The following STK32B variants were observed in gnomAD, a reference collection of about 807,000 sequenced individuals.
STK32B encodes the protein serine/threonine-protein kinase 32B.
A neutral mutation model predicts 52.6 loss-of-function variants in STK32B; 43 were observed. The ratio of observed to expected loss-of-function variants is 0.82; its 90% confidence interval spans 0.64 to 1.05. STK32B has a LOEUF of 1.05. Ranked by LOEUF, STK32B falls within the 50% of genes least tolerant of loss-of-function variation. The probability of loss-of-function intolerance (pLI) is 0.00; values close to 1 mark genes in which losing one functional copy is unlikely to be tolerated. For missense variants in STK32B, 621 were observed against 534.6 expected (o/e 1.16, Z -1.59); for synonymous variants, 238 against 204.3 (o/e 1.17, Z -1.41).
chr4:5,192,882 AGCCCCTGGCACCCTCC>A (rs964442227), intron 3 of STK32B, among the ~76,000 whole-genome samples: 1 of 152,104 alleles, frequency 6.6e-6, no homozygotes, highest in African/African-American at 2.4e-5. Context: ...CCCTCCACCC[AGCCCCTGGCACCCTCC>A]GTTCCACTCT....
chr4:5,456,802 T>C lies in STK32B; in HGVS notation c.667-5T>C. 3 of 1,563,850 alleles carry C rather than the reference T, an allele frequency of 1.9e-6. No individual in the cohort carries two copies. The highest frequency in any genetic ancestry group is 2.6e-6 in the Non-Finnish European group (3 of 1,149,690). ...CTGATTCTGGCTGTTGTTCTTTGAT[T>C]GCAGAGGCCGTACGAAATCCACTCG... On this transcript the variant is annotated splice_region_variant and splice_polypyrimidine_tract_variant and intron_variant, in intron 7 of 11. Transcript: ENST00000282908.
chr4:5,366,882 C>T (rs1273946627), intron 4 of STK32B, among the ~76,000 whole-genome samples: 1 of 152,154 alleles, frequency 6.6e-6, no homozygotes, highest in East Asian at 1.9e-4. Flanking sequence ...TGTGTACCTT[C>T]TCATATAGTC....
At chr4:5,402,350 G>C (rs1737350488) in intron 5 of STK32B, among the ~76,000 whole-genome samples, 1 of 152,244 alleles carries the variant, frequency 6.6e-6, no homozygotes, top group Non-Finnish European at 1.5e-5. Context: ...CTTTCCACAT[G>C]GGAGGTGGAC....
chr4:5,388,568 A>G (rs926154150), intron 4 of STK32B, among the ~76,000 whole-genome samples: 1 of 152,156 alleles, frequency 6.6e-6, no homozygotes, highest in South Asian at 2.1e-4. Context: ...ATTGTTTTCC[A>G]TATGCTACTA....
In STK32B at chr4:5,253,136, G is replaced by C. The variant is rs145762140; in HGVS notation, c.261-78084G>C. Among the ~76,000 whole-genome samples, 24 of 152,106 alleles carry C rather than the reference G, an allele frequency of 1.6e-4. No individual in the cohort carries two copies. The South Asian group carries it at 2.1e-3, about 13-fold the overall frequency. On this transcript the variant is annotated intron_variant, in intron 3 of 11. Transcript: ENST00000282908. ...CCAATGCTGTCTTCAGGAAGCCTCT[G>C]GGAAGCCCTCCAGGAGCATTGGGTT...
intron 3 of STK32B, among the ~76,000 whole-genome samples, chr4:5,285,376 A>C (rs16836953): frequency 0.12 from 18,569 of 152,112 alleles, 3,238 homozygotes; most frequent in African/African-American, 0.39. Flanking sequence ...TTCTGAACTT[A>C]CTAAAGAATA....
Position 5,469,633 on chromosome 4 carries a change from GA to G in STK32B, c.1106+1564del, listed in dbSNP as rs1230153136. On this transcript the variant is annotated intron_variant, in intron 11 of 11. Transcript: ENST00000282908. This position sits in a 1 kb window ranked among gnomAD's most constrained non-coding sequence, Gnocchi z 4.7. ...GCAAAGGAGGCAGCAGCCTTTCACT[GA>G]CCCTGAGTGGCTATAGCTCTGAGGG... is the stretch of plus-strand genomic sequence containing the variant. Among the ~76,000 whole-genome samples, 1 of 152,190 alleles carries G rather than the reference GA, an allele frequency of 6.6e-6. No homozygotes were observed. Among genetic ancestry groups the G allele is most frequent in the Non-Finnish European group, 1.5e-5 (1 of 68,026 alleles).
At chr4:5,095,756 C>G (rs1713353789) in intron 1 of STK32B, among the ~76,000 whole-genome samples, 1 of 152,136 alleles carries the variant, frequency 6.6e-6, no homozygotes, top group South Asian at 2.1e-4. Context: ...ATGACTGACC[C>G]TTTGATTGTG....
intron 1 of STK32B, among the ~76,000 whole-genome samples, chr4:5,133,962 A>G (rs1298779063): frequency 1.3e-5 from 2 of 152,116 alleles, no homozygotes; most frequent in Non-Finnish European, 2.9e-5. Context: ...TGGGTTTAAA[A>G]CTTTGTTTAA....
intron 1 of STK32B, among the ~76,000 whole-genome samples, chr4:5,102,877 CCCTT>C (rs1560152732): frequency 2.1e-5 from 2 of 93,498 alleles, no homozygotes; most frequent in African/African-American, 4.2e-5. Flanking sequence ...CTCCCTCCCT[CCCTT>C]CTTTCCTTCC....
intron 4 of STK32B, among the ~76,000 whole-genome samples, chr4:5,366,003 C>T (rs930362726): frequency 6.6e-6 from 1 of 151,848 alleles, no homozygotes; most frequent in African/African-American, 2.4e-5. Flanking sequence ...TGCGCAGACT[C>T]TGGATACTTC....
At position 5,146,277 on chromosome 4, in the gene STK32B, T is replaced by A. The variant is rs564981808; in HGVS notation, c.108+6317T>A. Among the ~76,000 whole-genome samples the A allele has an allele frequency of 2.6e-5, 4 of 151,990 alleles. No individual in the cohort carries two copies. In the East Asian group the frequency reaches 7.7e-4, roughly 29 times the overall value. ...GAAGACAGTAGTGGCTCAGTTCGAG[T>A]CCCAAAACCTCAAAACTAGGGAAAC... On this transcript the variant is annotated intron_variant, in intron 2 of 11. Transcript: ENST00000282908.
In STK32B at chr4:5,380,060, G is replaced by A. The variant is rs1438961788; in HGVS notation, c.435-18147G>A. Among the ~76,000 whole-genome samples the A allele has an allele frequency of 1.3e-5, 2 of 152,060 alleles. No individual in the cohort carries two copies. Among genetic ancestry groups the A allele is most frequent in the African/African-American group, 2.4e-5 (1 of 41,392 alleles). On this transcript the variant is annotated intron_variant, in intron 4 of 11. Transcript: ENST00000282908. The surrounding 1 kb of genome is among the most constrained non-coding windows in gnomAD (Gnocchi z 4.3). ...TGAGGAAAACCACTGCCTCGATCAC[G>A]GGGCTATGCTCACTGTGCAGAGCAT...
At chr4:5,389,226 A>G (rs960810710) in intron 4 of STK32B, among the ~76,000 whole-genome samples, 5 of 152,220 alleles carry the variant, frequency 3.3e-5, no homozygotes, top group Non-Finnish European at 5.9e-5. Context: ...TACGGACTCC[A>G]TGATGACTCC....
chr4:5,180,323 T>G (rs1464171332), intron 3 of STK32B, among the ~76,000 whole-genome samples: 2 of 152,258 alleles, frequency 1.3e-5, no homozygotes, highest in African/African-American at 4.8e-5. Context: ...GCACTTGATA[T>G]GTGTCTTACT....
intron 1 of STK32B, among the ~76,000 whole-genome samples, chr4:5,102,363 G>A (rs1404992777): frequency 6.6e-6 from 1 of 152,102 alleles, no homozygotes; most frequent in Admixed American, 6.5e-5. Context: ...GGTGGCCATT[G>A]GCTAGAGAGG....
intron 2 of STK32B, among the ~76,000 whole-genome samples, chr4:5,156,143 C>T (rs929593028): frequency 6.6e-6 from 1 of 151,318 alleles, no homozygotes; most frequent in South Asian, 2.1e-4. Flanking sequence ...CATATACACA[C>T]TCATATGTAT....
Position 5,079,526 on chromosome 4 carries a change from A to G in STK32B, c.52+27611A>G, listed in dbSNP as rs182945449. On this transcript the variant is annotated intron_variant, in intron 1 of 11. Coordinates refer to ENST00000282908, the MANE Select transcript of STK32B (RefSeq NM_018401.3). ...TAAATGAGATTCTTGTTGCTTAGAG[A>G]GTTAGAAAATTTTCATACATGGTTA... Among the ~76,000 whole-genome samples, 8 of 152,266 alleles carry G rather than the reference A, an allele frequency of 5.3e-5. No individual in the cohort carries two copies. The East Asian group carries it at 1.5e-3, about 29-fold the overall frequency.
At chr4:5,318,363 G>T (rs987011397) in intron 3 of STK32B, among the ~76,000 whole-genome samples, 1 of 151,984 alleles carries the variant, frequency 6.6e-6, no homozygotes, top group African/African-American at 2.4e-5. Flanking sequence ...GAGAAGGAGT[G>T]ATAGGAAGAT....
Sources: allele counts gnomAD v4.1 joint callset (sites outside exome capture counted in the v4.1 genomes callset), GRCh38; gene constraint gnomAD v4.1.1; non-coding constraint Gnocchi (gnomAD v3.1); transcripts MANE v1.5; gene names NCBI Gene and HGNC (gene_info 2026-07-23, HGNC 2026-07-21).